The following RANBP9 variants were observed in gnomAD, a reference collection of about 807,000 sequenced individuals.
The protein encoded by RANBP9 is RAN binding protein 9.
Under a neutral mutation model 84.3 loss-of-function variants are expected in RANBP9, and 15 were observed. The ratio of observed to expected loss-of-function variants is 0.18; its 90% CI spans 0.12 to 0.27. The LOEUF is 0.27. Ranked by LOEUF, RANBP9 falls within the 10% of genes least tolerant of loss-of-function variation. RANBP9 has a pLI of 1.00. For missense variants in RANBP9, 809 were observed against 912.8 expected (o/e 0.89, Z 1.46); for synonymous variants, 392 against 349.6 (o/e 1.12, Z -1.35).
chr6:13,709,561 C>T (rs1758220874), intron 1 of RANBP9, among the ~76,000 whole-genome samples: 1 of 152,112 alleles, frequency 6.6e-6, no homozygotes, highest in Non-Finnish European at 1.5e-5. Context: ...AGGAAATTAA[C>T]AAAAGGTCCT....
At chr6:13,705,169 C>G (rs774428800) in intron 1 of RANBP9, among the ~76,000 whole-genome samples, 7 of 151,936 alleles carry the variant, frequency 4.6e-5, no homozygotes, top group Non-Finnish European at 5.9e-5. Context: ...TTTGAGAAGC[C>G]AAGGCAGGCG....
At chr6:13,625,862 C>A in intron 12 of RANBP9, 98 bp from the exon 13 acceptor site, 1 of 822,050 alleles carries the variant, frequency 1.2e-6, no homozygotes, top group African/African-American at 1.7e-5. Flanking sequence ...CTTCCAGGCA[C>A]AGACTAATAA....
chr6:13,673,257 T>C (rs546187565), intron 2 of RANBP9, among the ~76,000 whole-genome samples: 4 of 152,274 alleles, frequency 2.6e-5, no homozygotes, highest in Admixed American at 1.3e-4. Context: ...TATTTAAGTG[T>C]TGGGAAAAAA....
intron 2 of RANBP9, among the ~76,000 whole-genome samples, chr6:13,687,529 T>G (rs1766217930): frequency 6.6e-6 from 1 of 152,114 alleles, no homozygotes; most frequent in African/African-American, 2.4e-5. Context: ...TCTGATGTAT[T>G]TAGTCACATC....
chr6:13,703,494 A>G (rs1251119959), intron 1 of RANBP9, among the ~76,000 whole-genome samples: 1 of 152,234 alleles, frequency 6.6e-6, no homozygotes, highest in African/African-American at 2.4e-5. Flanking sequence ...CTATCCTTGT[A>G]CCAGCAGGGT....
intron 2 of RANBP9, among the ~76,000 whole-genome samples, chr6:13,691,367 G>T (rs1390107649): frequency 1.1e-4 from 17 of 151,950 alleles, no homozygotes; most frequent in Admixed American, 1.1e-3. Context: ...TCAATAAAAG[G>T]AACTTTCTTC....
At chr6:13,645,531 G>C (rs1014425976) in intron 5 of RANBP9, among the ~76,000 whole-genome samples, 1 of 152,114 alleles carries the variant, frequency 6.6e-6, no homozygotes, top group Admixed American at 6.5e-5. Context: ...GTTTCTGAGT[G>C]GCTACTAAAT....
chr6:13,687,331 T>A (rs1190505211), intron 2 of RANBP9, among the ~76,000 whole-genome samples: 52 of 152,216 alleles, frequency 3.4e-4, no homozygotes, highest in Non-Finnish European at 2.9e-5. Context: ...TCTTTAAAGA[T>A]CCACTTCCTG....
intron 12 of RANBP9, among the ~76,000 whole-genome samples, chr6:13,627,630 C>CAAA (rs35401168): frequency 1.1e-3 from 71 of 66,356 alleles, no homozygotes; most frequent in African/African-American, 3.5e-3. Flanking sequence ...ACTCCATCTC[C>CAAA]AAAAAAAAAA....
chr6:13,655,961 A>G (rs1189747828), intron 4 of RANBP9, among the ~76,000 whole-genome samples: 1 of 152,212 alleles, frequency 6.6e-6, no homozygotes, highest in Non-Finnish European at 1.5e-5. Context: ...CTAGTGAGAA[A>G]AGGATCTCTT....
At chr6:13,670,351 T>A (rs1326157403) in intron 2 of RANBP9, among the ~76,000 whole-genome samples, 1 of 152,072 alleles carries the variant, frequency 6.6e-6, no homozygotes, top group African/African-American at 2.4e-5. Flanking sequence ...ACACCATATA[T>A]AAAAATTAAC....
At chr6:13,704,282 G>C (rs1270204600) in intron 1 of RANBP9, among the ~76,000 whole-genome samples, 1 of 152,102 alleles carries the variant, frequency 6.6e-6, no homozygotes, top group Non-Finnish European at 1.5e-5. Flanking sequence ...ATCCTTTGAT[G>C]ATTCTCCATC....
chr6:13,656,252 C>T (rs1380049980), intron 4 of RANBP9, among the ~76,000 whole-genome samples: 1 of 151,958 alleles, frequency 6.6e-6, no homozygotes, highest in Non-Finnish European at 1.5e-5. Flanking sequence ...TTTCTGCCTT[C>T]TAGGGTTACT....
chr6:13,709,599 T>A (rs1758222270), intron 1 of RANBP9, among the ~76,000 whole-genome samples: 1 of 152,214 alleles, frequency 6.6e-6, no homozygotes, highest in Non-Finnish European at 1.5e-5. Flanking sequence ...AGATTTGATA[T>A]TGTGAATGAA....
At chr6:13,623,297 T>G (rs1218277114) in intron 13 of RANBP9, among the ~76,000 whole-genome samples, 1 of 152,180 alleles carries the variant, frequency 6.6e-6, no homozygotes, top group Admixed American at 6.6e-5. Flanking sequence ...AATCAGTTCT[T>G]TATAGGCACA....
chr6:13,699,677 C>G (rs2113362044), intron 1 of RANBP9, among the ~76,000 whole-genome samples: 1 of 152,212 alleles, frequency 6.6e-6, no homozygotes, highest in African/African-American at 2.4e-5. Context: ...GCTTGGCCAA[C>G]ATGGTGAAAC....
chr6:13,654,601 A>G (rs1323223154), intron 4 of RANBP9, among the ~76,000 whole-genome samples: 1 of 152,204 alleles, frequency 6.6e-6, no homozygotes, highest in Non-Finnish European at 1.5e-5. Flanking sequence ...CCTAGACCAG[A>G]GGTAGGCAAA....
In RANBP9 at chr6:13,632,561, A is replaced by C; in HGVS notation, c.1796-40T>G. 6.4e-7 allele frequency: 1 copy of C among 1,552,272 alleles called. No individual in the cohort carries two copies. The highest frequency in any genetic ancestry group is 1.1e-5 in the South Asian group (1 of 89,132). ...GACAAGTATTTTACTACCTTATGGA[A>C]TGGAGTATAATGAGGACACGAACAT... On this transcript the variant is annotated intron_variant, in intron 11 of 13. Coordinates refer to ENST00000011619, the MANE Select transcript of RANBP9 (RefSeq NM_005493.3).
chr6:13,632,490 C>A lies in RANBP9; in HGVS notation c.1827G>T (p.Leu609Phe), dbSNP rs377756616. 1.9e-6 allele frequency: 3 copies of A among 1,613,638 alleles called. No homozygotes were observed. The African/African-American group carries it at 4.0e-5, about 22-fold the overall frequency. Residue 609 changes from leucine to phenylalanine, a missense_variant, in exon 12 of 14, where the codon TTG becomes TTT. Leu to Phe is a conservative substitution (Grantham distance 22). Coordinates refer to ENST00000011619, the MANE Select transcript of RANBP9 (RefSeq NM_005493.3). ...EVDSSQLRRQ[L>F]CGGSQAAIER... The stretch of plus-strand genomic sequence containing the variant: ...CTATGGCGGCCTGACTTCCTCCACA[C>A]AACTGGCGTCTCAACTGACTTGAAT...
Sources: allele counts gnomAD v4.1 joint callset (sites outside exome capture counted in the v4.1 genomes callset), GRCh38; gene constraint gnomAD v4.1.1; transcripts MANE v1.5; gene names NCBI Gene and HGNC (gene_info 2026-07-23, HGNC 2026-07-21).